Variants in SIPA1L2 observed in about 807,000 individuals in gnomAD.
The protein encoded by SIPA1L2 is signal induced proliferation associated 1 like 2, also known as signal-induced proliferation-associated 1-like protein 2.
A neutral mutation model predicts 163.9 loss-of-function variants in SIPA1L2; 56 were observed. The observed-to-expected ratio is 0.34, with a 90% CI of 0.28 to 0.43. The LOEUF is 0.43. Ranked by LOEUF, SIPA1L2 falls within the 20% of genes least tolerant of loss-of-function variation. The pLI, the probability that SIPA1L2 is intolerant of heterozygous loss-of-function variation, is 1.00. For missense variants in SIPA1L2, 1,974 were observed against 2,193.5 expected, an observed-to-expected ratio of 0.90 and a Z score of 2.00; for synonymous variants, 877 against 865.7, an observed-to-expected ratio of 1.01 and a Z score of -0.23.
intron 2 of SIPA1L2, among the ~76,000 whole-genome samples, chr1:232,535,292 C>T (rs1657234139): frequency 6.6e-6 from 1 of 152,168 alleles, no homozygotes; most frequent in African/African-American, 2.4e-5. Flanking sequence ...TAAACATCTA[C>T]TGTTTAATCT....
rs141223402 is a variant in SIPA1L2 at position 232,514,446 on chromosome 1, A to G, written c.894T>C (p.Val298=). The G allele has an allele frequency of 2.4e-5, 39 of 1,614,224 alleles. No individual in the cohort carries two copies. In the African/African-American group the frequency reaches 4.5e-4, roughly 19 times the overall value. The stretch of plus-strand genomic sequence containing the variant: ...ACTTGAAAGTTTCGTGCTCACTTTT[A>G]ACAGTTCGAAGCTTTCGGAAGAGAG... ...ETSLFRKLRT[V]KSEHETFKFT... The change falls in exon 3 of 23, where the codon GTT becomes GTC. Residue 298 remains valine (V), a synonymous_variant. Coordinates refer to ENST00000674635, the MANE Select transcript of SIPA1L2 (RefSeq NM_020808.5).
chr1:232,414,656 T>C (rs984084681), intron 19 of SIPA1L2, among the ~76,000 whole-genome samples: 5 of 152,140 alleles, frequency 3.3e-5, no homozygotes, highest in Admixed American at 2.0e-4. Context: ...CAGCCCCTAC[T>C]AAAATGATCC....
At chr1:232,451,928 G>A (rs1663606729) in intron 10 of SIPA1L2, among the ~76,000 whole-genome samples, 1 of 151,436 alleles carries the variant, frequency 6.6e-6, no homozygotes, top group South Asian at 2.1e-4. Context: ...TAACTTTTCT[G>A]AGTCTATTCT....
intron 2 of SIPA1L2, among the ~76,000 whole-genome samples, chr1:232,534,973 T>G (rs76028954): frequency 6.6e-6 from 1 of 152,174 alleles, no homozygotes; most frequent in African/African-American, 2.4e-5. Flanking sequence ...ACTGGTAGCT[T>G]TATACTCACA....
chr1:232,563,042 C>T (rs1167802190), intron 2 of SIPA1L2, among the ~76,000 whole-genome samples: 1 of 152,132 alleles, frequency 6.6e-6, no homozygotes, highest in Admixed American at 6.6e-5. Context: ...AATAAAAATC[C>T]TACATGCCTG....
chr1:232,597,402 G>C (rs983106732), intron 1 of SIPA1L2, among the ~76,000 whole-genome samples: 1 of 151,940 alleles, frequency 6.6e-6, no homozygotes, highest in Admixed American at 6.6e-5. Flanking sequence ...ATTTGGCCGG[G>C]CGCGGTGGCT....
At chr1:232,410,128 G>T (rs941804274) in intron 19 of SIPA1L2, among the ~76,000 whole-genome samples, 1 of 151,788 alleles carries the variant, frequency 6.6e-6, no homozygotes, top group South Asian at 2.1e-4. Context: ...TAAAGGGCAC[G>T]GTCTCAAAGA....
intron 3 of SIPA1L2, among the ~76,000 whole-genome samples, chr1:232,508,909 C>T (rs947480401): frequency 6.6e-6 from 1 of 152,200 alleles, no homozygotes; most frequent in African/African-American, 2.4e-5. Context: ...CTGGCCAACA[C>T]GGCGAAACCC....
intron 6 of SIPA1L2, among the ~76,000 whole-genome samples, chr1:232,480,513 C>T (rs527713616): frequency 6.6e-6 from 1 of 152,228 alleles, no homozygotes; most frequent in African/African-American, 2.4e-5. Flanking sequence ...ATTCAAACTC[C>T]ATCTGTATTA....
At chr1:232,456,204 CCCA>C (rs1448542667) in intron 10 of SIPA1L2, among the ~76,000 whole-genome samples, 2 of 152,070 alleles carry the variant, frequency 1.3e-5, no homozygotes, top group Non-Finnish European at 2.9e-5. Context: ...CAGATTTCAG[CCCA>C]CCATTTATTT....
chr1:232,412,671 T>C (rs1661028079), intron 19 of SIPA1L2, among the ~76,000 whole-genome samples: 1 of 152,160 alleles, frequency 6.6e-6, no homozygotes, highest in Non-Finnish European at 1.5e-5. Flanking sequence ...GAGGCAACAC[T>C]GATACAAGGG....
At chr1:232,504,619 C>T (rs1001781009) in intron 3 of SIPA1L2, among the ~76,000 whole-genome samples, 1 of 151,794 alleles carries the variant, frequency 6.6e-6, no homozygotes, top group Non-Finnish European at 1.5e-5. Context: ...ATTAAATTAC[C>T]GAATTTACCA....
At chr1:232,433,667 C>T (rs759356015) in intron 15 of SIPA1L2, among the ~76,000 whole-genome samples, 1 of 152,120 alleles carries the variant, frequency 6.6e-6, no homozygotes, top group Non-Finnish European at 1.5e-5. Flanking sequence ...TTAACCACCA[C>T]CAGAAATATC....
intron 2 of SIPA1L2, among the ~76,000 whole-genome samples, chr1:232,549,566 G>A (rs556436979): frequency 1.3e-5 from 2 of 152,124 alleles, no homozygotes; most frequent in Non-Finnish European, 2.9e-5. Flanking sequence ...GATGTTGATG[G>A]GAGCTCCTAT....
Position 232,436,319 on chromosome 1 carries a change from A to G in SIPA1L2, c.4031+2789T>C, listed in dbSNP as rs534067738. ...ATGCTCCAGTGAGGAGAAGGTGGCG[A>G]TAAGTGGCCTTCTTGTGGGAAGGAA... On this transcript the variant is annotated intron_variant, in intron 15 of 22. Coordinates refer to ENST00000674635, the MANE Select transcript of SIPA1L2 (RefSeq NM_020808.5). 5.9e-5 allele frequency among the ~76,000 whole-genome samples: 9 copies of G among 152,344 alleles called. No individual in the cohort carries two copies. In the South Asian group the frequency reaches 1.9e-3, roughly 32 times the overall value.
chr1:232,608,230 T>A (rs1267955646), intron 1 of SIPA1L2, among the ~76,000 whole-genome samples: 2 of 152,050 alleles, frequency 1.3e-5, no homozygotes, highest in Non-Finnish European at 2.9e-5. Context: ...GTATTTTTAG[T>A]AGAGACAGGG....
At chr1:232,577,647 T>C (rs764784229) in intron 1 of SIPA1L2, among the ~76,000 whole-genome samples, 5 of 152,104 alleles carry the variant, frequency 3.3e-5, no homozygotes, top group African/African-American at 9.7e-5. Flanking sequence ...TTGGAAGAAG[T>C]TGACTCCAAC....
At chr1:232,445,460 C>T (rs1663155696) in intron 11 of SIPA1L2, 69 bp downstream of exon 11, 1 of 1,598,844 alleles carries the variant, frequency 6.3e-7, no homozygotes, top group Non-Finnish European at 8.5e-7. Context: ...CAAAACCCTC[C>T]CTACAATGTC....
chr1:232,399,282 A>C lies in SIPA1L2; in HGVS notation c.5023-9T>G. 1 of 1,612,812 alleles carries C rather than the reference A, an allele frequency of 6.2e-7. No homozygotes were observed. On this transcript the variant is annotated splice_polypyrimidine_tract_variant and intron_variant, in intron 22 of 22. Transcript: ENST00000674635. ...GCCTTGTCTTGTTTTTCCTGGTCAG[A>C]GCAGAAATAAACTGAGTCATGGAGA...
Sources: gnomAD v4.1 joint callset for allele counts (sites outside exome capture counted in the v4.1 genomes callset) on GRCh38, gnomAD v4.1.1 for gene constraint, MANE v1.5 for transcripts, NCBI Gene and HGNC (gene_info 2026-07-23, HGNC 2026-07-21) for gene names.